Variants in PRSS23 observed in about 807,000 individuals in gnomAD.
PRSS23 encodes protease, serine 23.
Under a neutral mutation model 34.7 loss-of-function variants are expected in PRSS23, and 25 were observed. That is an observed-to-expected ratio of 0.72 (90% confidence interval 0.53 to 1.01). The LOEUF is 1.01. Among genes scored for constraint, PRSS23 ranks in the 50% least tolerant of loss-of-function variants. The pLI is 0.00. For missense variants in PRSS23, 445 were observed against 475.6 expected (o/e 0.94, Z 0.60); for synonymous variants, 176 against 186.6 (o/e 0.94, Z 0.46).
chr11:86,884,724 C>T (rs1948791783), intron 2 of PRSS23, among the ~76,000 whole-genome samples: 1 of 152,186 alleles, frequency 6.6e-6, no homozygotes, highest in South Asian at 2.1e-4. Flanking sequence ...CCTAACCTGC[C>T]TCTTGTCCCA....
intron 2 of PRSS23, chr11:86,949,645 C>G (rs1456795886): frequency 2.0e-5 from 3 of 152,640 alleles, no homozygotes; most frequent in Non-Finnish European, 2.9e-5. Flanking sequence ...GCTGGGGGTA[C>G]CCCCTTGTGA....
At chr11:86,944,827 G>A (rs556470262) in intron 2 of PRSS23, among the ~76,000 whole-genome samples, 4 of 152,104 alleles carry the variant, frequency 2.6e-5, no homozygotes, top group East Asian at 1.9e-4. Flanking sequence ...ATAAATGTCC[G>A]GTAGCAATCT....
intron 2 of PRSS23, among the ~76,000 whole-genome samples, chr11:86,868,721 G>A (rs1198393211): frequency 6.6e-6 from 1 of 152,158 alleles, no homozygotes; most frequent in African/African-American, 2.4e-5. Flanking sequence ...GCCCTAGAGA[G>A]GCAGCTTGCA....
intron 2 of PRSS23, among the ~76,000 whole-genome samples, chr11:86,885,473 T>C (rs1222360859): frequency 2.0e-5 from 3 of 152,200 alleles, no homozygotes; most frequent in Non-Finnish European, 4.4e-5. Context: ...TATGAGGGTA[T>C]TTGGATGAGA....
intron 2 of PRSS23, chr11:86,935,649 T>C (rs1949156549): frequency 1.3e-5 from 2 of 152,156 alleles, no homozygotes; most frequent in African/African-American, 4.8e-5. Flanking sequence ...CTGTTGGTAA[T>C]TACCCCAATG....
At chr11:86,931,321 T>C (rs1949124350) in intron 2 of PRSS23, among the ~76,000 whole-genome samples, 1 of 152,094 alleles carries the variant, frequency 6.6e-6, no homozygotes, top group South Asian at 2.1e-4. Context: ...GTAGCAAAAA[T>C]GATGAAGAAA....
At chr11:86,835,142 G>A (rs758688699) in intron 2 of PRSS23, among the ~76,000 whole-genome samples, 1 of 152,230 alleles carries the variant, frequency 6.6e-6, no homozygotes, top group African/African-American at 2.4e-5. Context: ...TCAAGTAATA[G>A]AGCCTGATAT....
intron 1 of PRSS23, chr11:86,823,367 T>C (rs1379483635): frequency 1.4e-6 from 1 of 701,988 alleles, no homozygotes; most frequent in Admixed American, 2.0e-5. Flanking sequence ...CTGTGTTTCA[T>C]CTACTTCAGA....
rs372440721 is a variant in PRSS23, at chr11:86,808,215, G to C, written c.572G>C (p.Arg191Pro). The C allele has an allele frequency of 6.2e-7, 1 of 1,613,982 alleles. No homozygotes were observed. The highest frequency in any genetic ancestry group is 8.5e-7 in the Non-Finnish European group (1 of 1,180,042). Residue 191 changes from arginine to proline, a missense_variant, in exon 2 of 2, where the codon CGA becomes CCA. Coordinates refer to ENST00000280258, the MANE Select transcript of PRSS23 (RefSeq NM_007173.6). ...KTYVKGTQKL[R>P]VGFLKPKFKD... ...TATGTGAAAGGAACCCAGAAGCTTCGAGTGGGCTTCCTAAAGCCCAAGTTT... is the reference window on the plus strand; with the variant it reads ...TATGTGAAAGGAACCCAGAAGCTTCCAGTGGGCTTCCTAAAGCCCAAGTTT...
chr11:86,892,938 T>A (rs1590916644), intron 2 of PRSS23, among the ~76,000 whole-genome samples: 1 of 152,328 alleles, frequency 6.6e-6, no homozygotes, highest in South Asian at 2.1e-4. Flanking sequence ...AATTTATGTC[T>A]ACACTGACCC....
exon 3 of PRSS23, chr11:86,951,418 A>T: frequency 6.2e-7 from 1 of 1,613,026 alleles, no homozygotes; most frequent in Non-Finnish European, 8.5e-7. Flanking sequence ...ACGTTGCAGG[A>T]ACTGTGTACA....
chr11:86,883,497 G>T (rs1419512829), intron 2 of PRSS23, among the ~76,000 whole-genome samples: 1 of 152,168 alleles, frequency 6.6e-6, no homozygotes, highest in Admixed American at 6.5e-5. Context: ...ATTAACTCAA[G>T]ATGGATTAAA....
At chr11:86,945,308 T>G (rs1949233668) in intron 2 of PRSS23, among the ~76,000 whole-genome samples, 1 of 148,300 alleles carries the variant, frequency 6.7e-6, no homozygotes, top group South Asian at 2.1e-4. Context: ...TTTTAGGCCA[T>G]CAGATTAAGT....
Position 86,951,691 on chromosome 11 carries a change from G to A in PRSS23, c.*406G>A, listed in dbSNP as rs751317286. 1.7e-5 allele frequency: 28 copies of A among 1,613,888 alleles called. No homozygotes were observed. Among genetic ancestry groups the A allele is most frequent in the East Asian group, 6.7e-5 (3 of 44,896 alleles). On this transcript the variant is annotated 3_prime_UTR_variant, in exon 3 of 3. Coordinates refer to the PRSS23 transcript ENST00000533902. ...TCAAGATGACAATGGTTTTCACTGC[G>A]GGGATGGCCCAGGCTGCAATGTGGA...
intron 2 of PRSS23, among the ~76,000 whole-genome samples, chr11:86,845,505 A>T (rs546811794): frequency 6.6e-6 from 1 of 152,334 alleles, no homozygotes; most frequent in Admixed American, 6.5e-5. Flanking sequence ...TTGGATCAAC[A>T]AGAAATCAAC....
intron 2 of PRSS23, among the ~76,000 whole-genome samples, chr11:86,894,119 T>C (rs1170509395): frequency 2.0e-5 from 3 of 152,230 alleles, no homozygotes; most frequent in African/African-American, 7.2e-5. Flanking sequence ...ATTCAAGCAA[T>C]TCTCCTGCCT....
chr11:86,863,131 C>G (rs1948627305), intron 2 of PRSS23, among the ~76,000 whole-genome samples: 1 of 152,040 alleles, frequency 6.6e-6, no homozygotes, highest in South Asian at 2.1e-4. Context: ...AAAGAAATAT[C>G]CTAAGTAGAT....
intron 2 of PRSS23, among the ~76,000 whole-genome samples, chr11:86,838,535 G>A (rs1334681461): frequency 6.6e-6 from 1 of 152,202 alleles, no homozygotes; most frequent in African/African-American, 2.4e-5. Flanking sequence ...TTTCACTTCT[G>A]GGGGCAGGGC....
intron 1 of PRSS23, chr11:86,821,266 C>T (rs138324992): frequency 5.7e-6 from 3 of 528,108 alleles, no homozygotes; most frequent in East Asian, 9.4e-5. Context: ...TCCGATGACA[C>T]AAAAATGTTT....
Sources: gnomAD v4.1 joint callset for allele counts (sites outside exome capture counted in the v4.1 genomes callset) on GRCh38, gnomAD v4.1.1 for gene constraint, MANE v1.5 for transcripts, NCBI Gene and HGNC (gene_info 2026-07-23, HGNC 2026-07-21) for gene names.